Variants in KLF17 observed in about 807,000 individuals in gnomAD.
The protein encoded by KLF17 is KLF transcription factor 17.
A neutral mutation model predicts 34.2 loss-of-function variants in KLF17; 31 were observed. The observed-to-expected ratio is 0.91, with a 90% confidence interval of 0.68 to 1.22. The LOEUF is 1.22. Among genes scored for constraint, KLF17 ranks in the 50% most tolerant of loss-of-function variants. The pLI is 0.00. For synonymous variants in KLF17, 179 were observed against 186.7 expected (o/e 0.96, Z 0.34); for missense variants, 478 against 505.2 (o/e 0.95, Z 0.52).
At chr1:44,094,388 CT>C in the KLF17 span, among the ~76,000 whole-genome samples, 1 of 152,024 alleles carries the variant, frequency 6.6e-6, no homozygotes, top group South Asian at 2.1e-4. Flanking sequence ...TTGCCTTGTG[CT>C]TTTGTGGTCT....
the KLF17 span, among the ~76,000 whole-genome samples, chr1:44,086,217 A>T: frequency 1.1e-4 from 17 of 152,350 alleles, no homozygotes; most frequent in Non-Finnish European, 1.8e-4. Context: ...CTGTAATCCC[A>T]GCACTTTGGG....
chr1:44,124,485 C>T (rs1277913790), intron 1 of KLF17, among the ~76,000 whole-genome samples: 1 of 145,500 alleles, frequency 6.9e-6, no homozygotes, highest in Non-Finnish European at 1.5e-5. Flanking sequence ...CGTGCCACCA[C>T]ACTTGGCTAA....
At chr1:44,082,251 A>C in the KLF17 span, among the ~76,000 whole-genome samples, 3 of 152,244 alleles carry the variant, frequency 2.0e-5, no homozygotes, top group Non-Finnish European at 4.4e-5. Flanking sequence ...GAGCAACTGA[A>C]TAGCGGAAGA....
chr1:44,061,721 C>A, the KLF17 span, among the ~76,000 whole-genome samples: 1 of 152,236 alleles, frequency 6.6e-6, no homozygotes, highest in South Asian at 2.1e-4. Flanking sequence ...AGTTCGAGAC[C>A]AGCCTGGCCA....
chr1:44,129,983 T>C lies in KLF17; in HGVS notation c.712T>C (p.Ser238Pro). ...QSLLVLGSQDSLVSQPDSQEG... is the reference protein window; with the variant it reads ...QSLLVLGSQDPLVSQPDSQEG... Reference sequence around the variant, plus strand: ...ATTGCTGGTTTTAGGATCTCAGGACTCTCTTGTCAGTCAGCCAGACTCTCA... The same window carrying C: ...ATTGCTGGTTTTAGGATCTCAGGACCCTCTTGTCAGTCAGCCAGACTCTCA... Residue 238 changes from serine to proline, a missense_variant, in exon 2 of 4, where the codon TCT becomes CCT. Ser to Pro is a moderately conservative substitution (Grantham distance 74). Coordinates refer to ENST00000372299, the MANE Select transcript of KLF17 (RefSeq NM_173484.4). 6.2e-7 allele frequency: 1 copy of C among 1,614,150 alleles called. No individual in the cohort carries two copies.
At chr1:44,088,943 T>C in the KLF17 span, among the ~76,000 whole-genome samples, 1 of 152,132 alleles carries the variant, frequency 6.6e-6, no homozygotes, top group Non-Finnish European at 1.5e-5. Flanking sequence ...GTGGCTGACT[T>C]AGTGGATAAA....
the KLF17 span, among the ~76,000 whole-genome samples, chr1:44,093,368 G>T: frequency 7.9e-5 from 12 of 152,192 alleles, no homozygotes; most frequent in Non-Finnish European, 1.5e-4. Context: ...TTCAAAGAAT[G>T]GAAGCTTCTT....
At chr1:44,053,458 TG>T in the KLF17 span, among the ~76,000 whole-genome samples, 35 of 151,636 alleles carry the variant, frequency 2.3e-4, no homozygotes, top group Admixed American at 5.3e-4. Context: ...CCCCTAGTTC[TG>T]GGGGGGGAGG....
chr1:44,130,913 A>G (rs2154311844), intron 3 of KLF17, among the ~76,000 whole-genome samples, 157 bp downstream of exon 3: 1 of 152,282 alleles, frequency 6.6e-6, no homozygotes, highest in Middle Eastern at 3.4e-3. Context: ...TTCCTGCCTC[A>G]GCCTCCCGAG....
At chr1:44,115,845 T>C (rs2087875294), upstream of KLF17, 1 of 152,200 alleles carries the variant, frequency 6.6e-6, no homozygotes, top group Admixed American at 6.5e-5. Context: ...TAAATAGTTG[T>C]GCCTTTTTCA....
the KLF17 span, among the ~76,000 whole-genome samples, chr1:44,066,570 A>C: frequency 6.6e-6 from 1 of 151,982 alleles, no homozygotes; most frequent in Non-Finnish European, 1.5e-5. Flanking sequence ...CTTATACATT[A>C]ATGGTTGGTG....
At chr1:44,097,294 A>G in the KLF17 span, among the ~76,000 whole-genome samples, 1 of 152,122 alleles carries the variant, frequency 6.6e-6, no homozygotes, top group Non-Finnish European at 1.5e-5. Flanking sequence ...GAAGTCAGGT[A>G]GTGTGATGCC....
At chr1:44,105,415 T>G in the KLF17 span, 1 of 151,458 alleles carries the variant, frequency 6.6e-6, no homozygotes, top group Admixed American at 6.6e-5. Flanking sequence ...GTTTTCATGA[T>G]GCCAGTCTCC....
chr1:44,091,308 C>T, the KLF17 span, among the ~76,000 whole-genome samples: 2 of 152,058 alleles, frequency 1.3e-5, no homozygotes, highest in Non-Finnish European at 2.9e-5. Context: ...CTTATATCTG[C>T]ATGTCTAAAT....
the KLF17 span, chr1:44,101,495 G>A: frequency 6.6e-6 from 1 of 152,084 alleles, no homozygotes; most frequent in Non-Finnish European, 1.5e-5. Flanking sequence ...TTTGTGGAAT[G>A]TCCTTTAATT....
chr1:44,113,780 A>G, the KLF17 span: 2 of 152,216 alleles, frequency 1.3e-5, no homozygotes, highest in Non-Finnish European at 2.9e-5. Context: ...ACCTGTTATA[A>G]TGCCTGGTGC....
chr1:44,077,715 G>A, the KLF17 span, among the ~76,000 whole-genome samples: 1 of 152,218 alleles, frequency 6.6e-6, no homozygotes, highest in South Asian at 2.1e-4. Context: ...GCTTCTTCAA[G>A]CACAGGCCTC....
At chr1:44,066,389 C>CTTTTT in the KLF17 span, among the ~76,000 whole-genome samples, 8 of 128,084 alleles carry the variant, frequency 6.2e-5, no homozygotes, top group African/African-American at 2.4e-4. Context: ...TAATACTTTC[C>CTTTTT]TTTTTTTTTT....
chr1:44,090,397 TC>T, the KLF17 span, among the ~76,000 whole-genome samples: 1 of 148,834 alleles, frequency 6.7e-6, no homozygotes, highest in East Asian at 2.0e-4. Flanking sequence ...AAAACTAAAT[TC>T]TCAGCATAAC....
Sources: allele counts gnomAD v4.1 joint callset (sites outside exome capture counted in the v4.1 genomes callset), GRCh38; gene constraint gnomAD v4.1.1; transcripts MANE v1.5; gene names NCBI Gene and HGNC (gene_info 2026-07-23, HGNC 2026-07-21).